Variants in SLC39A12 observed in about 807,000 individuals in gnomAD.
SLC39A12 encodes the protein zinc transporter ZIP12.
SLC39A12 carries 63 observed loss-of-function variants against 71.1 expected under a neutral mutation model. That is an observed-to-expected ratio of 0.89 (90% CI 0.72 to 1.09). The LOEUF (loss-of-function observed/expected upper bound fraction) is 1.09, where lower values mean the gene tolerates loss of function less well. Among genes scored for constraint, SLC39A12 ranks in the 50% least tolerant of loss-of-function variants. SLC39A12 has a pLI of 0.00. For missense variants in SLC39A12, 892 were observed against 812.6 expected (o/e 1.10, Z -1.19); for synonymous variants, 351 against 301.3 (o/e 1.16, Z -1.71).
chr10:17,996,859 G>A (rs1459196491), intron 10 of SLC39A12, among the ~76,000 whole-genome samples: 3 of 151,748 alleles, frequency 2.0e-5, no homozygotes, highest in South Asian at 2.1e-4. Flanking sequence ...TTAGCAGGGC[G>A]TAGTGGCGGG....
chr10:17,957,952 C>T (rs1834590697), intron 2 of SLC39A12, among the ~76,000 whole-genome samples: 2 of 152,166 alleles, frequency 1.3e-5, no homozygotes, highest in South Asian at 4.1e-4. Context: ...TGTGATGCAA[C>T]ACGTGTTCAT....
chr10:18,041,631 GTGTATATATA>G (rs1837234198), intron 12 of SLC39A12, among the ~76,000 whole-genome samples: 1 of 117,600 alleles, frequency 8.5e-6, no homozygotes, highest in African/African-American at 3.4e-5. Context: ...ATGTATATAT[GTGTATATATA>G]TGTATATACA....
Position 17,961,645 on chromosome 10 carries a change from A to C in SLC39A12, c.326A>C (p.Glu109Ala). 6.2e-7 allele frequency: 1 copy of C among 1,614,012 alleles called. No homozygotes were observed. The highest frequency in any genetic ancestry group is 8.5e-7 in the Non-Finnish European group (1 of 1,179,882). ...GGNFEDQLRE[E>A]VVQRVSLLLL... ...AATTTTGAAGATCAGCTTAGAGAAGAAGTGGTCCAGAGAGTTTCTCTTCTC... is the reference window on the plus strand; with the variant it reads ...AATTTTGAAGATCAGCTTAGAGAAGCAGTGGTCCAGAGAGTTTCTCTTCTC... The change falls in exon 3 of 13, where the codon GAA (glutamate) becomes GCA (alanine). Residue 109 changes from glutamate to alanine, a missense_variant. Coordinates refer to ENST00000377369, the MANE Select transcript of SLC39A12 (RefSeq NM_001145195.2).
intron 5 of SLC39A12, among the ~76,000 whole-genome samples, 195 bp from the exon 6 acceptor site, chr10:17,981,117 G>C (rs7086141): frequency 0.17 from 25,387 of 152,074 alleles, 2,303 homozygotes; most frequent in African/African-American, 0.21. Flanking sequence ...GGTATTGCAG[G>C]CTTTGGTCAG....
intron 2 of SLC39A12, among the ~76,000 whole-genome samples, chr10:17,955,414 G>C (rs1834515067): frequency 6.6e-6 from 1 of 152,148 alleles, no homozygotes; most frequent in African/African-American, 2.4e-5. Flanking sequence ...TCACCCATCA[G>C]GAAGGAGCTT....
At chr10:18,000,641 T>G (rs2130842026) in intron 10 of SLC39A12, 26 bp from the exon 11 acceptor site, 1 of 1,613,030 alleles carries the variant, frequency 6.2e-7, no homozygotes, top group East Asian at 2.2e-5. Context: ...TGTTAATGCT[T>G]CTTCTGTGTT....
At chr10:18,023,834 T>A (rs888340530) in intron 12 of SLC39A12, among the ~76,000 whole-genome samples, 5 of 152,062 alleles carry the variant, frequency 3.3e-5, no homozygotes, top group Non-Finnish European at 5.9e-5. Context: ...GTGCCCAGGT[T>A]GGGACAAGGA....
intron 6 of SLC39A12, among the ~76,000 whole-genome samples, chr10:17,984,736 A>G (rs1445906674): frequency 6.6e-6 from 1 of 152,206 alleles, no homozygotes; most frequent in Non-Finnish European, 1.5e-5. Flanking sequence ...AACCATTTGT[A>G]TTTGCACAAT....
chr10:17,987,738 G>A, intron 7 of SLC39A12, 87 bp downstream of exon 7: 2 of 1,405,068 alleles, frequency 1.4e-6, no homozygotes, highest in Non-Finnish European at 2.0e-6. Flanking sequence ...AAATTTTACT[G>A]AGACTTCAAA....
At position 17,981,365 on chromosome 10, in the gene SLC39A12, A is replaced by C; in HGVS notation, c.978A>C (p.Ser326=). 1 of 1,613,396 alleles carries C rather than the reference A, an allele frequency of 6.2e-7. No individual in the cohort carries two copies. The highest frequency in any genetic ancestry group is 8.5e-7 in the Non-Finnish European group (1 of 1,179,614). Residue 326 remains serine (S), a synonymous_variant, in exon 6 of 13, where the codon TCA becomes TCC. Coordinates refer to ENST00000377369, the MANE Select transcript of SLC39A12 (RefSeq NM_001145195.2). Reference sequence around the variant, plus strand: ...AGATATTTCTACAGAAGGGCCTCTCACTCATTTCTAAGGAGGACTTTAAGC... The same window carrying C: ...AGATATTTCTACAGAAGGGCCTCTCCCTCATTTCTAAGGAGGACTTTAAGC... ...LVEIFLQKGL[S]LISKEDFKQM...
Position 17,968,965 on chromosome 10 carries a change from C to A in SLC39A12, c.751+3275C>A, listed in dbSNP as rs77412410. Among the ~76,000 whole-genome samples the A allele has an allele frequency of 3.2e-4, 48 of 152,038 alleles. No homozygotes were observed. In the East Asian group the frequency reaches 9.1e-3, roughly 29 times the overall value. On this transcript the variant is annotated intron_variant, in intron 4 of 12. Transcript: ENST00000377369. ...AGTACATTTCCCAACCTCTGGAAAC[C>A]ATCCTTCTATTCTCTATGTCCATGA...
At chr10:17,957,118 A>G (rs2130771799) in intron 2 of SLC39A12, among the ~76,000 whole-genome samples, 1 of 152,328 alleles carries the variant, frequency 6.6e-6, no homozygotes, top group Non-Finnish European at 1.5e-5. Flanking sequence ...GTTTAAAATC[A>G]AATGTTAAAC....
At chr10:17,967,383 A>G (rs1047401470) in intron 4 of SLC39A12, among the ~76,000 whole-genome samples, 5 of 152,208 alleles carry the variant, frequency 3.3e-5, no homozygotes, top group African/African-American at 1.2e-4. Context: ...TTAATTATTT[A>G]GGGCTTATAA....
At chr10:18,028,613 T>G (rs1836747845) in intron 12 of SLC39A12, among the ~76,000 whole-genome samples, 1 of 152,226 alleles carries the variant, frequency 6.6e-6, no homozygotes, top group Non-Finnish European at 1.5e-5. Context: ...TTGTCTACTT[T>G]CTTTCCTGAT....
At chr10:18,033,976 A>T (rs1201205301) in intron 12 of SLC39A12, among the ~76,000 whole-genome samples, 1 of 148,070 alleles carries the variant, frequency 6.8e-6, no homozygotes, top group Non-Finnish European at 1.5e-5. Context: ...TGAGATTCTT[A>T]ATCCTGAGTT....
rs777713505 is a variant in SLC39A12, at chr10:17,965,602, T to C, written c.663T>C (p.Cys221=). 1.6e-5 allele frequency: 26 copies of C among 1,614,088 alleles called. No individual in the cohort carries two copies. The highest frequency in any genetic ancestry group is 2.2e-5 in the Non-Finnish European group (26 of 1,180,028). The change falls in exon 4 of 13, where the codon TGT becomes TGC. Residue 221 remains cysteine, a synonymous_variant. Transcript: ENST00000377369. ...TTACTTTGTCCCTCCAGGGTGTTTG[T>C]CTGGGACAAGGAAACTTGCCTTCCC... The part of the protein sequence containing the change: ...MIITLSLQGV[C]LGQGNLPSPD...
chr10:17,960,468 T>C (rs1274656243), intron 2 of SLC39A12, among the ~76,000 whole-genome samples: 1 of 152,152 alleles, frequency 6.6e-6, no homozygotes, highest in African/African-American at 2.4e-5. Context: ...TTTTGGCAAT[T>C]TCCCTAAATA....
chr10:17,963,773 C>A (rs1180371627), intron 3 of SLC39A12, among the ~76,000 whole-genome samples: 1 of 152,164 alleles, frequency 6.6e-6, no homozygotes, highest in Non-Finnish European at 1.5e-5. Flanking sequence ...CTTGAATTTC[C>A]AGGTCTTGGT....
intron 5 of SLC39A12, among the ~76,000 whole-genome samples, chr10:17,978,798 A>T (rs1054028156): frequency 3.3e-5 from 5 of 152,172 alleles, no homozygotes; most frequent in African/African-American, 1.2e-4. Context: ...TCTTGATGGT[A>T]TCCTAACGTG....
Sources: gnomAD v4.1 joint callset for allele counts (sites outside exome capture counted in the v4.1 genomes callset) on GRCh38, gnomAD v4.1.1 for gene constraint, MANE v1.5 for transcripts, NCBI Gene and HGNC (gene_info 2026-07-23, HGNC 2026-07-21) for gene names.